The following RBM41 variants were observed in gnomAD, a reference collection of about 807,000 sequenced individuals.
The protein encoded by RBM41 is RNA-binding protein 41.
In RBM41, 14 loss-of-function variants were observed where a neutral mutation model predicts 30.8. The ratio of observed to expected loss-of-function variants is 0.45; its 90% confidence interval spans 0.30 to 0.71. The LOEUF (loss-of-function observed/expected upper bound fraction) is 0.71. RBM41 is among the 30% of genes least tolerant of loss of function. The probability of loss-of-function intolerance (pLI) is 0.08; values close to 1 mark genes in which losing one functional copy is unlikely to be tolerated. For missense variants in RBM41, 276 were observed against 326.3 expected (o/e 0.85, Z 1.19); for synonymous variants, 120 against 110.1 (o/e 1.09, Z -0.56).
downstream of RBM41, among the ~76,000 whole-genome samples, chrX:107,056,985 A>G (rs1336278785): frequency 9.2e-6 from 1 of 108,787 alleles, no homozygotes. Flanking sequence ...CTCCCACCTC[A>G]GCCCCCTAAG....
chrX:107,116,259 A>G, intron 2 of RBM41: 1 of 955,924 alleles, frequency 1.0e-6, no homozygotes, highest in Non-Finnish European at 1.3e-6. Flanking sequence ...ATCAACAAAT[A>G]TTTATTGAGT....
At position 107,088,447 on chromosome X, in the gene RBM41, C is replaced by T. The variant is rs1360090772; in HGVS notation, c.988G>A (p.Glu330Lys). ...GGTTTGGCCTATACCTTGTTTGGTT[C>T]CCCTGGATTATATGAAGAAAACATA... Reference protein sequence around the residue: ...IPMFSSYNPGEPNKVLYLKNL... With the variant: ...IPMFSSYNPGKPNKVLYLKNL... Residue 330 changes from glutamate to lysine, a missense_variant, in exon 6 of 8, where the codon GAA becomes AAA. By Grantham distance (56) the Glu-to-Lys change is moderately conservative. Transcript: ENST00000685964. 2 of 1,210,161 alleles carry T rather than the reference C, an allele frequency of 1.7e-6. No individual in the cohort carries two copies. The highest frequency in any genetic ancestry group is 1.1e-6 in the Non-Finnish European group (1 of 894,516).
At chrX:107,093,546 GAA>G (rs1240086522) in intron 5 of RBM41, among the ~76,000 whole-genome samples, 1 of 111,638 alleles carries the variant, frequency 9.0e-6, no homozygotes, top group Non-Finnish European at 1.9e-5. Flanking sequence ...CAATGAAAAT[GAA>G]AACACAACAT....
chrX:107,091,130 G>C (rs921071544), intron 5 of RBM41, among the ~76,000 whole-genome samples: 1 of 111,446 alleles, frequency 9.0e-6, no homozygotes, highest in Non-Finnish European at 1.9e-5. Flanking sequence ...TAAACCATGA[G>C]TTTATATTGG....
intron 6 of RBM41, among the ~76,000 whole-genome samples, chrX:107,077,625 C>T (rs1022475757): frequency 1.0e-5 from 1 of 99,443 alleles, no homozygotes; most frequent in Non-Finnish European, 2.0e-5. Context: ...AAGCTAGGTT[C>T]AAAAACAAGA....
chrX:107,078,056 G>A (rs767569302), intron 6 of RBM41, among the ~76,000 whole-genome samples: 5 of 111,180 alleles, frequency 4.5e-5, no homozygotes, highest in Admixed American at 3.8e-4. Context: ...TAGGATCTAG[G>A]TTACATTACA....
chrX:107,083,842 A>G (rs1921768580), intron 6 of RBM41, among the ~76,000 whole-genome samples: 1 of 109,406 alleles, frequency 9.1e-6, no homozygotes, highest in Non-Finnish European at 1.9e-5. Context: ...AATCGTGGTT[A>G]TTTTAAATTC....
chrX:107,053,573 T>A, the RBM41 span, among the ~76,000 whole-genome samples: 7 of 112,297 alleles, frequency 6.2e-5, no homozygotes, highest in Non-Finnish European at 1.1e-4. Context: ...GGGAGGCACA[T>A]CCAACAGTTA....
rs1189886700 is a variant in RBM41, at chrX:107,115,526, T to C, written c.349A>G (p.Ile117Val). The change falls in exon 4 of 8, where the codon ATA (isoleucine) becomes GTA (valine). Residue 117 changes from isoleucine (I) to valine (V), a missense_variant. Coordinates refer to ENST00000685964, the MANE Select transcript of RBM41 (RefSeq NM_001324242.2). ...KTKLRATPEA[I>V]QNRLQDIEER... ...TCAATATCTTGAAGACGGTTCTGTA[T>C]TGCTTCAGGAGTTGCCCTCAGTTTT... 2.5e-6 allele frequency: 3 copies of C among 1,209,232 alleles called. No individual in the cohort carries two copies. Among genetic ancestry groups the C allele is most frequent in the Non-Finnish European group, 3.4e-6 (3 of 894,551 alleles).
chrX:107,101,780 T>C (rs1923485426), intron 5 of RBM41, among the ~76,000 whole-genome samples: 1 of 112,312 alleles, frequency 8.9e-6, no homozygotes, highest in South Asian at 3.7e-4. Context: ...TTCCTAGGTC[T>C]GCCATAACAA....
intron 1 of RBM41, 132 bp downstream of exon 1, chrX:107,118,634 C>T: frequency 1.2e-6 from 1 of 863,401 alleles, no homozygotes; most frequent in Non-Finnish European, 1.7e-6. Context: ...TCTCCTTTGT[C>T]GTGTTCCCGC....
Position 107,066,842 on chromosome X carries a change from TA to T in RBM41, c.*684del. 1 of 737,166 alleles carries T rather than the reference TA, an allele frequency of 1.4e-6. No homozygotes were observed. Among genetic ancestry groups the T allele is most frequent in the Non-Finnish European group, 1.6e-6 (1 of 623,758 alleles). 60.8% of individuals were successfully genotyped at this position (737,166 alleles called of 1,213,427 possible). A position where few individuals can be genotyped will look rare whatever the true frequency, so the allele number is the denominator to read the frequency against. On this transcript the variant is annotated 3_prime_UTR_variant, in exon 8 of 8. Transcript: ENST00000685964. The stretch of plus-strand genomic sequence containing the variant: ...TAATATTTAACATATATTAGACACT[TA>T]ATCAATGTTTATTGCTATGAATTCA...
intron 5 of RBM41, among the ~76,000 whole-genome samples, chrX:107,096,658 A>G (rs1041419130): frequency 8.9e-6 from 1 of 112,099 alleles, no homozygotes; most frequent in African/African-American, 3.2e-5. Flanking sequence ...AAAAAAAAAT[A>G]GAATATCTTT....
Position 107,065,738 on chromosome X carries a change from C to T in RBM41, c.*1789G>A, listed in dbSNP as rs1242523627. ...AGTTCTTTAGTACAAGACAGTTTTG[C>T]TTCCACTCAGCTTCTTCAACCTGTT... On this transcript the variant is annotated 3_prime_UTR_variant, in exon 8 of 8. Transcript: ENST00000685964. The T allele has an allele frequency of 8.7e-7, 1 of 1,154,192 alleles. No individual in the cohort carries two copies. The highest frequency in any genetic ancestry group is 3.3e-5 in the East Asian group (1 of 30,239).
chrX:107,061,647 T>G (rs1935643625), downstream of RBM41, among the ~76,000 whole-genome samples: 1 of 111,434 alleles, frequency 9.0e-6, no homozygotes, highest in African/African-American at 3.3e-5. Flanking sequence ...TCTTGCTATG[T>G]TGCCCAGTCT....
At chrX:107,076,463 A>C (rs140579997) in intron 6 of RBM41, among the ~76,000 whole-genome samples, 2,733 of 111,011 alleles carry the variant, frequency 0.025, 95 homozygotes, top group African/African-American at 0.084. Context: ...AGGCTAAGTG[A>C]AATAAGCCAG....
In RBM41 at chrX:107,116,648, A is replaced by C; in HGVS notation, c.125+2T>G. On this transcript the variant is annotated splice_donor_variant, in intron 2 of 7. Coordinates refer to ENST00000685964, the MANE Select transcript of RBM41 (RefSeq NM_001324242.2). LOFTEE classifies it high-confidence loss of function. The stretch of plus-strand genomic sequence containing the variant: ...CTCTCCGTTTGCAAAATCAATACCT[A>C]CTCCTCAATGGAGACAGAAGTATCA... 1 of 1,208,584 alleles carries C rather than the reference A, an allele frequency of 8.3e-7. No homozygotes were observed. Among genetic ancestry groups the C allele is most frequent in the East Asian group, 3.0e-5 (1 of 33,756 alleles).
intron 6 of RBM41, among the ~76,000 whole-genome samples, chrX:107,074,528 A>G (rs991331764): frequency 8.9e-6 from 1 of 112,018 alleles, no homozygotes; most frequent in Non-Finnish European, 1.9e-5. Context: ...AAAAAATTAA[A>G]CCAAAAAAGT....
intron 6 of RBM41, among the ~76,000 whole-genome samples, chrX:107,086,829 G>A (rs1380932559): frequency 1.8e-5 from 2 of 111,737 alleles, no homozygotes; most frequent in Non-Finnish European, 3.8e-5. Context: ...TCAGGAAAGT[G>A]GATAAATATA....
Sources: gnomAD v4.1 joint callset for allele counts (sites outside exome capture counted in the v4.1 genomes callset) on GRCh38, gnomAD v4.1.1 for gene constraint, MANE v1.5 for transcripts, NCBI Gene and HGNC (gene_info 2026-07-23, HGNC 2026-07-21) for gene names.